Variants in HAPLN1 observed in about 807,000 individuals in gnomAD.
HAPLN1 encodes hyaluronan and proteoglycan link protein 1, also known as Cartilage link protein.
Under a neutral mutation model 36.5 loss-of-function variants are expected in HAPLN1, and 13 were observed. That is an observed-to-expected ratio of 0.36 (90% CI 0.23 to 0.57). HAPLN1 has a LOEUF of 0.57. Ranked by LOEUF, HAPLN1 falls within the 20% of genes least tolerant of loss-of-function variation. HAPLN1 has a pLI of 0.83. For synonymous variants in HAPLN1, 202 were observed against 169.8 expected (o/e 1.19, Z -1.48); for missense variants, 407 against 439.7 (o/e 0.93, Z 0.66).
At chr5:83,691,435 T>C (rs1751270602) in intron 1 of HAPLN1, among the ~76,000 whole-genome samples, 2 of 152,032 alleles carry the variant, frequency 1.3e-5, no homozygotes, top group Admixed American at 6.6e-5. Context: ...ATAGCACCTG[T>C]TTCCAACAGG....
intron 1 of HAPLN1, among the ~76,000 whole-genome samples, chr5:83,712,581 C>G (rs957507665): frequency 6.6e-6 from 1 of 151,816 alleles, no homozygotes; most frequent in Non-Finnish European, 1.5e-5. Flanking sequence ...ATATATTTAT[C>G]TCGCTAGTAA....
chr5:83,677,006 A>G (rs867227377), intron 1 of HAPLN1, among the ~76,000 whole-genome samples: 3 of 152,324 alleles, frequency 2.0e-5, no homozygotes, highest in East Asian at 1.9e-4. Context: ...TTTGATAGAA[A>G]TGCAGATATA....
chr5:83,651,775 T>C (rs919054625), intron 3 of HAPLN1, among the ~76,000 whole-genome samples: 1 of 152,114 alleles, frequency 6.6e-6, no homozygotes, highest in African/African-American at 2.4e-5. Flanking sequence ...GGAGGGTCTC[T>C]AGAGGGTGGA....
At chr5:83,714,139 C>T (rs1751860509) in intron 1 of HAPLN1, among the ~76,000 whole-genome samples, 1 of 152,052 alleles carries the variant, frequency 6.6e-6, no homozygotes, top group African/African-American at 2.4e-5. Flanking sequence ...CCAACAGCGG[C>T]AACAGGATGT....
intron 3 of HAPLN1, among the ~76,000 whole-genome samples, chr5:83,649,533 C>T (rs1263763179): frequency 6.6e-6 from 1 of 152,130 alleles, no homozygotes; most frequent in Non-Finnish European, 1.5e-5. Context: ...ACTGCAATCT[C>T]CGCCTCCTGG....
At chr5:83,676,740 CTT>C (rs990257037) in intron 1 of HAPLN1, among the ~76,000 whole-genome samples, 2 of 152,120 alleles carry the variant, frequency 1.3e-5, no homozygotes, top group Non-Finnish European at 2.9e-5. Context: ...ATCGGGGAGA[CTT>C]TTCCACAACC....
chr5:83,679,871 A>T (rs565069740), intron 1 of HAPLN1, among the ~76,000 whole-genome samples: 3 of 152,164 alleles, frequency 2.0e-5, no homozygotes, highest in African/African-American at 7.2e-5. Flanking sequence ...CAAATGTCCA[A>T]GCTCCATGTT....
chr5:83,655,835 C>T (rs891555045), intron 2 of HAPLN1, among the ~76,000 whole-genome samples: 11 of 152,014 alleles, frequency 7.2e-5, no homozygotes, highest in African/African-American at 2.2e-4. Flanking sequence ...TCATCAGGTG[C>T]TATGTCACAG....
Position 83,641,742 on chromosome 5 carries a change from A to C in HAPLN1, c.819T>G (p.Asp273Glu), listed in dbSNP as rs200637837. The C allele has an allele frequency of 1.5e-5, 24 of 1,614,198 alleles. No homozygotes were observed. In the East Asian group the frequency reaches 4.7e-4, roughly 31 times the overall value. ...YLIHPTKLTYDEAVQACLNDG... is the reference protein window; with the variant it reads ...YLIHPTKLTYEEAVQACLNDG... ...CATTGAGACAAGCTTGCACCGCTTCATCATAGGTCAGTTTGGTGGGGTGGA... is the reference window on the plus strand; with the variant it reads ...CATTGAGACAAGCTTGCACCGCTTCCTCATAGGTCAGTTTGGTGGGGTGGA... The change falls in exon 5 of 5, where the codon GAT (aspartate) becomes GAG (glutamate). Residue 273 changes from aspartate to glutamate, a missense_variant. Coordinates refer to ENST00000274341, the MANE Select transcript of HAPLN1 (RefSeq NM_001884.4).
Position 83,639,207 on chromosome 5 carries a change from T to C in HAPLN1, c.*2289A>G, listed in dbSNP as rs1321839633. On this transcript the variant is annotated 3_prime_UTR_variant, in exon 5 of 5. Transcript: ENST00000274341. ...CATTCAAGTATGAGTATAAAGGGCATGGAAATTCTGGTCCTTTGAGCAAAA... is the reference window on the plus strand; with the variant it reads ...CATTCAAGTATGAGTATAAAGGGCACGGAAATTCTGGTCCTTTGAGCAAAA... 1 of 152,056 alleles carries C rather than the reference T, an allele frequency of 6.6e-6. No individual in the cohort carries two copies. Among genetic ancestry groups the C allele is most frequent in the Non-Finnish European group, 1.5e-5 (1 of 67,938 alleles). The allele number at this position is 152,056 out of a possible 1,614,324, so 9.4% of individuals were successfully genotyped here. A position where few individuals can be genotyped will look rare whatever the true frequency, so the allele number is the denominator to read the frequency against.
At chr5:83,713,401 A>C (rs1281356761) in intron 1 of HAPLN1, among the ~76,000 whole-genome samples, 1 of 152,222 alleles carries the variant, frequency 6.6e-6, no homozygotes, top group East Asian at 1.9e-4. Context: ...TATAGTTAAT[A>C]AAATAAAAAG....
rs1423785631 is a variant in HAPLN1 at position 83,637,861 on chromosome 5, T to TA, written c.*3634dup. ...ACTCATGATTAAGTTATAAAGCATT[T>TA]AAAATGTGTTAATCTAATCAACAAC... On this transcript the variant is annotated 3_prime_UTR_variant, in exon 5 of 5. Transcript: ENST00000274341. 1 of 152,026 alleles carries TA rather than the reference T, an allele frequency of 6.6e-6. No homozygotes were observed. The highest frequency in any genetic ancestry group is 1.5e-5 in the Non-Finnish European group (1 of 67,908). 9.4% of individuals were successfully genotyped at this position (152,026 alleles called of 1,614,324 possible).
chr5:83,656,080 C>A (rs917417078), intron 2 of HAPLN1, among the ~76,000 whole-genome samples: 4 of 152,214 alleles, frequency 2.6e-5, no homozygotes, highest in East Asian at 3.9e-4. Context: ...ATAATCCCAG[C>A]ACTTTGGGAG....
intron 2 of HAPLN1, among the ~76,000 whole-genome samples, chr5:83,661,902 G>T (rs1236746022): frequency 6.6e-6 from 1 of 152,186 alleles, no homozygotes; most frequent in Non-Finnish European, 1.5e-5. Context: ...ATGTTGCTGT[G>T]TGTTCATGTA....
intron 1 of HAPLN1, among the ~76,000 whole-genome samples, chr5:83,710,967 G>A (rs1298630940): frequency 2.0e-5 from 3 of 151,852 alleles, no homozygotes; most frequent in Non-Finnish European, 4.4e-5. Context: ...GAAAAAAAAA[G>A]AAAAATAACC....
intron 1 of HAPLN1, chr5:83,674,510 T>A (rs992625928): frequency 3.3e-5 from 5 of 152,218 alleles, no homozygotes; most frequent in Non-Finnish European, 7.3e-5. Flanking sequence ...CAAAAGTGAT[T>A]CTAAGTGATA....
chr5:83,645,065 C>T (rs868659164), intron 3 of HAPLN1, among the ~76,000 whole-genome samples: 2 of 152,098 alleles, frequency 1.3e-5, no homozygotes, highest in Non-Finnish European at 2.9e-5. Flanking sequence ...ATATTGAATA[C>T]TAAGAGTTGG....
At chr5:83,711,887 G>T (rs1751792258) in intron 1 of HAPLN1, among the ~76,000 whole-genome samples, 1 of 152,232 alleles carries the variant, frequency 6.6e-6, no homozygotes, top group African/African-American at 2.4e-5. Context: ...GGGAAATTCA[G>T]ATTGAAAGGT....
intron 1 of HAPLN1, among the ~76,000 whole-genome samples, 177 bp downstream of exon 1, chr5:83,720,612 C>T (rs769484362): frequency 2.0e-5 from 3 of 152,088 alleles, no homozygotes; most frequent in Non-Finnish European, 4.4e-5. Context: ...TTTTATCCGA[C>T]AATATGAAAC....
Sources: gnomAD v4.1 joint callset for allele counts (sites outside exome capture counted in the v4.1 genomes callset) on GRCh38, gnomAD v4.1.1 for gene constraint, MANE v1.5 for transcripts, NCBI Gene and HGNC (gene_info 2026-07-23, HGNC 2026-07-21) for gene names.